Variants in MARCHF1 observed in about 807,000 individuals in gnomAD.
The protein encoded by MARCHF1 is E3 ubiquitin-protein ligase MARCHF1.
Under a neutral mutation model 54.2 loss-of-function variants are expected in MARCHF1, and 40 were observed. The ratio of observed to expected loss-of-function variants is 0.74; its 90% CI spans 0.57 to 0.96. The LOEUF is 0.96. Among genes scored for constraint, MARCHF1 ranks in the 40% least tolerant of loss-of-function variants. The pLI is 0.00. For synonymous variants in MARCHF1, 236 were observed against 236.3 expected, an observed-to-expected ratio of 1.00 and a Z score of 0.01; for missense variants, 586 against 656.5, an observed-to-expected ratio of 0.89 and a Z score of 1.17.
chr4:164,118,877 C>G (rs1755996784), intron 1 of MARCHF1, among the ~76,000 whole-genome samples: 1 of 148,848 alleles, frequency 6.7e-6, no homozygotes, highest in African/African-American at 2.5e-5. Flanking sequence ...TTATAAGTAT[C>G]CAAATAATAT....
intron 2 of MARCHF1, among the ~76,000 whole-genome samples, chr4:163,989,646 T>C (rs1752937307): frequency 6.6e-6 from 1 of 152,194 alleles, no homozygotes; most frequent in African/African-American, 2.4e-5. Context: ...AAAAATTCCT[T>C]TTAAAACATC....
chr4:164,209,649 C>A (rs1411357115), intron 1 of MARCHF1, among the ~76,000 whole-genome samples: 1 of 152,198 alleles, frequency 6.6e-6, no homozygotes, highest in East Asian at 1.9e-4. Flanking sequence ...TAATATTATG[C>A]TTTTATATAT....
rs751046016 is a variant in MARCHF1 at position 164,197,189 on chromosome 4, A to ACTC, written c.-322-85530_-322-85528dup. ...TCCACTACCTGAGCATCTTCATCAT[A>ACTC]CTCCTCCTCATGCTCACCCTCCTCC... On this transcript the variant is annotated intron_variant, in intron 1 of 9. Transcript: ENST00000514618. 3.7e-6 allele frequency: 6 copies of ACTC among 1,606,026 alleles called. No homozygotes were observed. The East Asian group carries it at 1.3e-4, about 36-fold the overall frequency.
chr4:163,865,991 AT>A (rs1396543181), intron 3 of MARCHF1, among the ~76,000 whole-genome samples: 1 of 151,570 alleles, frequency 6.6e-6, no homozygotes, highest in East Asian at 1.9e-4. Flanking sequence ...TTTCTACTAA[AT>A]TTCTCAGAAC....
intron 4 of MARCHF1, among the ~76,000 whole-genome samples, chr4:163,749,886 A>G (rs1439374578): frequency 6.7e-6 from 1 of 149,312 alleles, no homozygotes; most frequent in Non-Finnish European, 1.5e-5. Flanking sequence ...ACATTGTGAA[A>G]CCCTATCTTT....
chr4:164,320,578 G>A (rs1735115376), intron 1 of MARCHF1, among the ~76,000 whole-genome samples: 1 of 152,050 alleles, frequency 6.6e-6, no homozygotes, highest in African/African-American at 2.4e-5. Flanking sequence ...ACCTACGAAT[G>A]TATAGCCTTT....
At chr4:163,985,842 C>G (rs1752851844) in intron 3 of MARCHF1, among the ~76,000 whole-genome samples, 1 of 152,130 alleles carries the variant, frequency 6.6e-6, no homozygotes, top group African/African-American at 2.4e-5. Flanking sequence ...AAGGAAACTT[C>G]AAGAAAGGAT....
At chr4:164,110,481 A>G (rs1254419244) in intron 2 of MARCHF1, among the ~76,000 whole-genome samples, 2 of 151,848 alleles carry the variant, frequency 1.3e-5, no homozygotes, top group African/African-American at 4.8e-5. Flanking sequence ...TCTAAAATCT[A>G]TTCTAACTCT....
chr4:163,779,080 G>C (rs1460040162), intron 4 of MARCHF1, among the ~76,000 whole-genome samples: 1 of 152,126 alleles, frequency 6.6e-6, no homozygotes, highest in Non-Finnish European at 1.5e-5. Context: ...ATTAGAGTTG[G>C]TTGCCTGCCA....
intron 1 of MARCHF1, chr4:164,188,978 G>A (rs551108473): frequency 1.5e-5 from 11 of 722,060 alleles, no homozygotes; most frequent in Middle Eastern, 2.9e-4. Context: ...GATCATTAAC[G>A]AGCCTATGGC....
At chr4:163,838,882 TAAAAG>T (rs1446530309) in intron 4 of MARCHF1, among the ~76,000 whole-genome samples, 4 of 152,138 alleles carry the variant, frequency 2.6e-5, no homozygotes, top group Non-Finnish European at 4.4e-5. Context: ...GCACCGGTGA[TAAAAG>T]AAAAGACTGG....
intron 5 of MARCHF1, among the ~76,000 whole-genome samples, chr4:163,620,516 T>C (rs1257254994): frequency 2.0e-5 from 3 of 150,940 alleles, no homozygotes; most frequent in Admixed American, 6.6e-5. Flanking sequence ...ACCCAAGTGT[T>C]AATTCATTAT....
chr4:164,121,491 G>T (rs1897220), intron 1 of MARCHF1, among the ~76,000 whole-genome samples: 1 of 151,764 alleles, frequency 6.6e-6, no homozygotes, highest in Non-Finnish European at 1.5e-5. Flanking sequence ...GGGGGAAAAA[G>T]CCCTTACAAA....
intron 3 of MARCHF1, among the ~76,000 whole-genome samples, chr4:163,974,921 TTA>T (rs1752618941): frequency 6.6e-6 from 1 of 152,162 alleles, no homozygotes; most frequent in Admixed American, 6.5e-5. Flanking sequence ...CCTCATCCAA[TTA>T]ATTGAAGTCC....
chr4:164,170,987 G>T lies in MARCHF1; in HGVS notation c.-322-59325C>A, dbSNP rs551605510. Among the ~76,000 whole-genome samples, 66 of 151,962 alleles carry T rather than the reference G, an allele frequency of 4.3e-4. 1 individual carries two copies. The highest frequency in any genetic ancestry group is 1.5e-3 in the African/African-American group (63 of 41,466). ...AAATCTGACAAAATTAATTTAAAAT[G>T]GAATAATTAGTTATTGTTGGTTACT... is the stretch of plus-strand genomic sequence containing the variant. On this transcript the variant is annotated intron_variant, in intron 1 of 9. Coordinates refer to ENST00000514618, the MANE Select transcript of MARCHF1 (RefSeq NM_001394959.1).
chr4:164,289,547 C>A, intron 1 of MARCHF1, among the ~76,000 whole-genome samples: 1 of 141,356 alleles, frequency 7.1e-6, no homozygotes, highest in South Asian at 2.2e-4. Context: ...GTTGTCACAG[C>A]AGGTAGGAGT....
At chr4:164,071,363 T>C (rs1754860448) in intron 2 of MARCHF1, among the ~76,000 whole-genome samples, 2 of 152,116 alleles carry the variant, frequency 1.3e-5, no homozygotes, top group African/African-American at 4.8e-5. Flanking sequence ...GTTTTTTGCA[T>C]GGATTATAAT....
chr4:164,336,145 A>G (rs1333148788), intron 1 of MARCHF1, among the ~76,000 whole-genome samples: 1 of 152,158 alleles, frequency 6.6e-6, no homozygotes, highest in Admixed American at 6.5e-5. Flanking sequence ...CAGACCACCA[A>G]GGGGGAAAAA....
chr4:164,193,103 G>T (rs1407858462), intron 1 of MARCHF1, among the ~76,000 whole-genome samples: 3 of 152,012 alleles, frequency 2.0e-5, no homozygotes, highest in Non-Finnish European at 2.9e-5. Context: ...TACCTCTTAG[G>T]CAGCTTATTT....
Sources: allele counts gnomAD v4.1 joint callset (sites outside exome capture counted in the v4.1 genomes callset), GRCh38; gene constraint gnomAD v4.1.1; transcripts MANE v1.5; gene names NCBI Gene and HGNC (gene_info 2026-07-23, HGNC 2026-07-21).